MYO1D: variants seen among roughly 807,000 people sequenced by gnomAD.
MYO1D encodes myosin ID.
MYO1D carries 83 observed loss-of-function variants against 122.0 expected under a neutral mutation model. That is an observed-to-expected ratio of 0.68 (90% CI 0.57 to 0.82). The LOEUF is 0.82. MYO1D is among the 40% of genes least tolerant of loss of function. The probability of loss-of-function intolerance (pLI) is 0.00; values close to 1 mark genes in which losing one functional copy is unlikely to be tolerated. For synonymous variants in MYO1D, 464 were observed against 446.9 expected (o/e 1.04, Z -0.48); for missense variants, 1,157 against 1,269.5 (o/e 0.91, Z 1.35).
At chr17:32,547,907 G>A (rs2086978053) in intron 21 of MYO1D, among the ~76,000 whole-genome samples, 1 of 151,630 alleles carries the variant, frequency 6.6e-6, no homozygotes, top group Non-Finnish European at 1.5e-5. Context: ...CTGAGATTGT[G>A]GCACTGCACT....
chr17:32,875,054 C>G (rs915257572), intron 1 of MYO1D, among the ~76,000 whole-genome samples: 1 of 152,162 alleles, frequency 6.6e-6, no homozygotes, highest in Non-Finnish European at 1.5e-5. Flanking sequence ...TCTGGCTAAG[C>G]CCATGTATTT....
intron 1 of MYO1D, among the ~76,000 whole-genome samples, chr17:32,818,208 C>A (rs1349717513): frequency 6.6e-6 from 1 of 150,730 alleles, no homozygotes; most frequent in Non-Finnish European, 1.5e-5. Flanking sequence ...AAGCAGTCTA[C>A]TTCTAGAGCC....
chr17:32,589,205 A>G (rs1301108078), intron 21 of MYO1D, among the ~76,000 whole-genome samples: 4 of 152,146 alleles, frequency 2.6e-5, no homozygotes, highest in Non-Finnish European at 5.9e-5. Context: ...GGGGAGGCAG[A>G]CCTGGGGCTT....
At chr17:32,523,526 AG>A (rs1441060137) in intron 21 of MYO1D, 2 of 152,244 alleles carry the variant, frequency 1.3e-5, no homozygotes, top group Non-Finnish European at 2.9e-5. Flanking sequence ...AGCTCTCCAC[AG>A]GAGACTTAGA....
At position 32,701,014 on chromosome 17, in the gene MYO1D, TAATAC is replaced by T. The variant is rs139819596; in HGVS notation, c.2121+10969_2121+10973del. On this transcript the variant is annotated intron_variant, in intron 16 of 21. Coordinates refer to ENST00000318217, the MANE Select transcript of MYO1D (RefSeq NM_015194.3). ...CAGAGGTGATTTTTTGAGGAAAAAA[TAATAC>T]AATACATCATTAACTAAAGCTGATA... Among the ~76,000 whole-genome samples the T allele has an allele frequency of 3.1e-3, 438 of 141,014 alleles. 1 individual carries two copies. The highest frequency in any genetic ancestry group is 8.9e-3 in the African/African-American group (342 of 38,404). 92.5% of individuals were successfully genotyped at this position (141,014 alleles called of 152,430 possible).
intron 1 of MYO1D, among the ~76,000 whole-genome samples, chr17:32,867,344 T>C (rs948466831): frequency 2.0e-5 from 3 of 148,906 alleles, no homozygotes; most frequent in Non-Finnish European, 4.5e-5. Flanking sequence ...AAAAAAAGAA[T>C]TGTCTGTGCT....
intron 21 of MYO1D, among the ~76,000 whole-genome samples, chr17:32,583,018 A>G (rs62062516): frequency 0.12 from 17,655 of 152,204 alleles, 1,191 homozygotes; most frequent in African/African-American, 0.18. Flanking sequence ...ATTTCCATGT[A>G]GTATATTTTT....
chr17:32,581,835 G>A lies in MYO1D; in HGVS notation c.2864+23252C>T, dbSNP rs1158180471. On this transcript the variant is annotated intron_variant, in intron 21 of 21. Transcript: ENST00000318217. ...GGCTGGAGTGTAGTAGAGCGATCTC[G>A]GCTCACCGCAACCTCTGCTCCGAGG... 4.6e-5 allele frequency among the ~76,000 whole-genome samples: 7 copies of A among 151,844 alleles called. No individual in the cohort carries two copies. In the South Asian group the frequency reaches 8.3e-4, roughly 18 times the overall value.
intron 21 of MYO1D, among the ~76,000 whole-genome samples, chr17:32,512,304 A>T (rs910325135): frequency 1.1e-4 from 14 of 125,656 alleles, no homozygotes; most frequent in African/African-American, 4.5e-4. Flanking sequence ...CTTATCTCAT[A>T]AAAAAAAAAA....
chr17:32,680,983 A>G (rs1292919449), intron 16 of MYO1D, among the ~76,000 whole-genome samples: 3 of 151,776 alleles, frequency 2.0e-5, no homozygotes, highest in African/African-American at 7.3e-5. Flanking sequence ...GTCTTGGGAG[A>G]GTGTATGTGT....
At chr17:32,810,411 G>A (rs534120617) in intron 1 of MYO1D, among the ~76,000 whole-genome samples, 2 of 152,082 alleles carry the variant, frequency 1.3e-5, no homozygotes, top group Non-Finnish European at 2.9e-5. Context: ...AATAGCAAAT[G>A]ATTGAAAATT....
At chr17:32,592,956 G>A (rs1226949473) in intron 21 of MYO1D, among the ~76,000 whole-genome samples, 2 of 151,928 alleles carry the variant, frequency 1.3e-5, no homozygotes, top group African/African-American at 4.8e-5. Context: ...CGTACACTTC[G>A]TCCCCAGTCA....
intron 21 of MYO1D, among the ~76,000 whole-genome samples, chr17:32,538,818 C>G (rs1234176071): frequency 1.3e-5 from 2 of 152,050 alleles, no homozygotes; most frequent in African/African-American, 4.8e-5. Context: ...GAGCTGGAAG[C>G]CATAATCCTC....
At chr17:32,876,314 A>AGTG (rs1180248929) in intron 1 of MYO1D, among the ~76,000 whole-genome samples, 1 of 152,116 alleles carries the variant, frequency 6.6e-6, no homozygotes, top group Non-Finnish European at 1.5e-5. Context: ...AAAAGAAGCA[A>AGTG]GTGTAAAGCC....
At chr17:32,874,495 A>G (rs115649460) in intron 1 of MYO1D, among the ~76,000 whole-genome samples, 2,121 of 152,190 alleles carry the variant, frequency 0.014, 43 homozygotes, top group African/African-American at 0.047. Flanking sequence ...CTATTCTTTA[A>G]ATCAATAGAA....
chr17:32,717,829 T>C (rs1310926066), intron 15 of MYO1D, among the ~76,000 whole-genome samples: 1 of 152,252 alleles, frequency 6.6e-6, no homozygotes, highest in Non-Finnish European at 1.5e-5. Flanking sequence ...TTTTAAGTTT[T>C]TAAAAAATTC....
intron 21 of MYO1D, among the ~76,000 whole-genome samples, chr17:32,583,062 T>C (rs2087356529): frequency 1.3e-5 from 2 of 152,238 alleles, no homozygotes; most frequent in African/African-American, 2.4e-5. Context: ...TCTCTTGTAC[T>C]GTGAGTCTTC....
intron 19 of MYO1D, among the ~76,000 whole-genome samples, chr17:32,651,510 A>G (rs2088387833): frequency 6.6e-6 from 1 of 152,092 alleles, no homozygotes; most frequent in African/African-American, 2.4e-5. Context: ...CTGGGACTGG[A>G]AAGTCTCTCA....
At chr17:32,749,597 T>C (rs997599490) in intron 11 of MYO1D, among the ~76,000 whole-genome samples, 5 of 152,026 alleles carry the variant, frequency 3.3e-5, no homozygotes, top group Admixed American at 1.3e-4. Flanking sequence ...CGTGGTGGTA[T>C]GCATCTGTAG....
Sources: allele counts gnomAD v4.1 joint callset (sites outside exome capture counted in the v4.1 genomes callset), GRCh38; gene constraint gnomAD v4.1.1; transcripts MANE v1.5; gene names NCBI Gene and HGNC (gene_info 2026-07-23, HGNC 2026-07-21).